The following ANKRD50 variants were observed in gnomAD, a reference collection of about 807,000 sequenced individuals.
ANKRD50 encodes the protein ankyrin repeat domain 50, also known as ankyrin repeat domain-containing protein 50.
A neutral mutation model predicts 112.0 loss-of-function variants in ANKRD50; 40 were observed. The ratio of observed to expected loss-of-function variants is 0.36; its 90% CI spans 0.28 to 0.46. ANKRD50 has a LOEUF of 0.46. ANKRD50 is among the 20% of genes least tolerant of loss of function. The pLI is 1.00. For synonymous variants in ANKRD50, 613 were observed against 619.1 expected (o/e 0.99, Z 0.15); for missense variants, 1,487 against 1,701.7 (o/e 0.87, Z 2.22).
At chr4:124,705,238 A>G (rs1725479208) in intron 2 of ANKRD50, among the ~76,000 whole-genome samples, 1 of 152,240 alleles carries the variant, frequency 6.6e-6, no homozygotes, top group East Asian at 1.9e-4. Context: ...TTTGACACAC[A>G]AAACAAATGT....
Position 124,670,289 on chromosome 4 carries a change from C to G in ANKRD50, c.2988G>C (p.Gln996His). The part of the protein sequence containing the change: ...SCWQGHMEMV[Q>H]VLIAYHADVN... Reference sequence around the variant, plus strand: ...CGTCAGCATGGTATGCTATCAGGACCTGCACCATTTCCATATGGCCTTGCC... The same window carrying G: ...CGTCAGCATGGTATGCTATCAGGACGTGCACCATTTCCATATGGCCTTGCC... The change falls in exon 4 of 5, where the codon CAG becomes CAC. Residue 996 changes from glutamine to histidine, a missense_variant. This residue lies in a region of ANKRD50 where 1,046 missense variants were observed against 1,269.5 expected (regional missense o/e 0.82). Transcript: ENST00000504087. 6.2e-7 allele frequency: 1 copy of G among 1,613,950 alleles called. No homozygotes were observed. The highest frequency in any genetic ancestry group is 8.5e-7 in the Non-Finnish European group (1 of 1,179,918).
At chr4:124,688,100 A>G (rs906026741) in intron 2 of ANKRD50, among the ~76,000 whole-genome samples, 2 of 152,258 alleles carry the variant, frequency 1.3e-5, no homozygotes, top group African/African-American at 4.8e-5. Context: ...AACAGTGTAC[A>G]GGATCTTCTA....
At position 124,669,607 on chromosome 4, in the gene ANKRD50, G is replaced by A. The variant is rs1367431266; in HGVS notation, c.3670C>T (p.Pro1224Ser). Residue 1224 changes from proline (P) to serine (S), a missense_variant, in exon 4 of 5, where the codon CCA becomes TCA. Coordinates refer to ENST00000504087, the MANE Select transcript of ANKRD50 (RefSeq NM_020337.3). The stretch of plus-strand genomic sequence containing the variant: ...ATTGACTGTCGACTTCTACTGCGTG[G>A]CAATGAATGCTGCTGAATTTGTTCT... ...FTEQIQQHSL[P>S]RSRSRQSIVS... is the part of the protein sequence containing the mutation. The A allele has an allele frequency of 6.2e-7, 1 of 1,613,618 alleles. No individual in the cohort carries two copies. The highest frequency in any genetic ancestry group is 8.5e-7 in the Non-Finnish European group (1 of 1,179,832).
rs1730685483 is a variant in ANKRD50 at position 124,672,485 on chromosome 4, C to T, written c.792G>A (p.Lys264=). 1.2e-6 allele frequency: 2 copies of T among 1,608,194 alleles called. No homozygotes were observed. Among genetic ancestry groups the T allele is most frequent in the Non-Finnish European group, 8.5e-7 (1 of 1,178,056 alleles). ...LDDLRKAYIV[K]DVQQYILHRL... Reference sequence around the variant, plus strand: ...GATGAAGAATGTACTGCTGAACATCCTTGACGATATATGCCTTCCGAAGGT... The same window carrying T: ...GATGAAGAATGTACTGCTGAACATCTTTGACGATATATGCCTTCCGAAGGT... Residue 264 remains lysine (K), a synonymous_variant, in exon 4 of 5, where the codon AAG becomes AAA. Coordinates refer to ENST00000504087, the MANE Select transcript of ANKRD50 (RefSeq NM_020337.3).
chr4:124,669,946 A>T lies in ANKRD50; in HGVS notation c.3331T>A (p.Ser1111Thr). Residue 1111 changes from serine to threonine, a missense_variant, in exon 4 of 5, where the codon TCT (serine) becomes ACT (threonine). Physicochemically the swap from Ser to Thr is moderately conservative, Grantham distance 58. Transcript: ENST00000504087. ...TTTTGCTCCATTGTGTGAACAGGAG[A>T]TGGGGAACAGCCATTCAAACTAGAT... ...GASSLNGCSPSPVHTMEQKPL... is the reference protein window; with the variant it reads ...GASSLNGCSPTPVHTMEQKPL... The T allele has an allele frequency of 6.2e-7, 1 of 1,612,854 alleles. No individual in the cohort carries two copies. The highest frequency in any genetic ancestry group is 2.2e-5 in the East Asian group (1 of 44,844).
chr4:124,704,333 C>T (rs909182925), intron 2 of ANKRD50, among the ~76,000 whole-genome samples: 1 of 152,106 alleles, frequency 6.6e-6, no homozygotes, highest in Non-Finnish European at 1.5e-5. Flanking sequence ...TGAAAACATA[C>T]AAGTGAGGGT....
intron 2 of ANKRD50, among the ~76,000 whole-genome samples, chr4:124,679,133 T>C (rs752019778): frequency 1.3e-5 from 2 of 152,160 alleles, no homozygotes; most frequent in African/African-American, 4.8e-5. Flanking sequence ...GGTGGGTGTG[T>C]GGGTGTGTGT....
chr4:124,706,070 C>T (rs528461559), intron 2 of ANKRD50, among the ~76,000 whole-genome samples: 1 of 152,076 alleles, frequency 6.6e-6, no homozygotes, highest in East Asian at 1.9e-4. Context: ...GTTTCATGAA[C>T]ACTGTAACAA....
rs80022851 is a variant in ANKRD50 at position 124,666,269 on chromosome 4, T to C, written c.*1249A>G. The C allele has an allele frequency of 0.014, 2,198 of 152,538 alleles. 52 individuals carry two copies. Among genetic ancestry groups the C allele is most frequent in the African/African-American group, 0.05 (2,083 of 41,518 alleles). 9.4% of individuals were successfully genotyped at this position (152,538 alleles called of 1,614,324 possible). A position where few individuals can be genotyped will look rare whatever the true frequency, so the allele number is the denominator to read the frequency against. On this transcript the variant is annotated 3_prime_UTR_variant, in exon 5 of 5. Coordinates refer to ENST00000504087, the MANE Select transcript of ANKRD50 (RefSeq NM_020337.3). Reference sequence around the variant, plus strand: ...TTTTACCTTCCTTGTCATGAATTTCTCTCTTAACCCTGGCATCCAGCCCTC... The same window carrying C: ...TTTTACCTTCCTTGTCATGAATTTCCCTCTTAACCCTGGCATCCAGCCCTC...
intron 2 of ANKRD50, among the ~76,000 whole-genome samples, chr4:124,693,808 A>G (rs1384310058): frequency 6.6e-6 from 1 of 152,172 alleles, no homozygotes; most frequent in African/African-American, 2.4e-5. Context: ...TTTGATGATA[A>G]TTTCAATAAA....
At chr4:124,705,260 C>G (rs1725480175) in intron 2 of ANKRD50, among the ~76,000 whole-genome samples, 1 of 152,214 alleles carries the variant, frequency 6.6e-6, no homozygotes, top group African/African-American at 2.4e-5. Flanking sequence ...AGTATTTGGT[C>G]TCCCAGTTTG....
At chr4:124,690,074 A>AAAG (rs1454784465) in intron 2 of ANKRD50, among the ~76,000 whole-genome samples, 1 of 152,186 alleles carries the variant, frequency 6.6e-6, no homozygotes, top group East Asian at 1.9e-4. Flanking sequence ...TGGGCTCAAG[A>AAAG]AAGAAGCAAA....
Position 124,667,492 on chromosome 4 carries a change from C to G in ANKRD50, c.*26G>C, listed in dbSNP as rs1402370804. On this transcript the variant is annotated 3_prime_UTR_variant, in exon 5 of 5. Coordinates refer to ENST00000504087, the MANE Select transcript of ANKRD50 (RefSeq NM_020337.3). ...CTGAAGAACCACTCCATCACAATGT[C>G]TTCTGTTTCACAGAATAGGAAACTA... The G allele has an allele frequency of 2.6e-5, 4 of 151,906 alleles. No homozygotes were observed. Among genetic ancestry groups the G allele is most frequent in the African/African-American group, 7.2e-5 (3 of 41,400 alleles). 9.4% of individuals were successfully genotyped at this position (151,906 alleles called of 1,614,324 possible).
chr4:124,670,371 C>A lies in ANKRD50; in HGVS notation c.2906G>T (p.Gly969Val). Reference protein sequence around the residue: ...LTMAEYFLENGANVEASDAEG... With the variant: ...LTMAEYFLENVANVEASDAEG... ...AGCATCACTTGCTTCTACGTTTGCA[C>A]CATTTTCTAAAAAATATTCGGCCAT... is the stretch of plus-strand genomic sequence containing the variant. Residue 969 changes from glycine (G) to valine (V), a missense_variant, in exon 4 of 5, where the codon GGT (glycine) becomes GTT (valine). Physicochemically the swap from Gly to Val is moderately radical, Grantham distance 109. Coordinates refer to ENST00000504087, the MANE Select transcript of ANKRD50 (RefSeq NM_020337.3). The A allele has an allele frequency of 4.3e-6, 7 of 1,613,880 alleles. No homozygotes were observed. The highest frequency in any genetic ancestry group is 5.9e-6 in the Non-Finnish European group (7 of 1,179,900).
intron 2 of ANKRD50, among the ~76,000 whole-genome samples, chr4:124,685,882 TAAA>T (rs955763716): frequency 6.6e-6 from 1 of 152,168 alleles, no homozygotes; most frequent in African/African-American, 2.4e-5. Flanking sequence ...TTAATTTTTT[TAAA>T]AAGTGACAGA....
chr4:124,683,966 C>A (rs906666222), intron 2 of ANKRD50, among the ~76,000 whole-genome samples: 12 of 148,986 alleles, frequency 8.1e-5, no homozygotes, highest in South Asian at 6.4e-4. Context: ...AGGGGATTCC[C>A]CAGTTCAGTG....
At chr4:124,706,486 T>C (rs1725505413) in intron 2 of ANKRD50, among the ~76,000 whole-genome samples, 1 of 152,086 alleles carries the variant, frequency 6.6e-6, no homozygotes, top group African/African-American at 2.4e-5. Flanking sequence ...GTATTCTATC[T>C]ACTATCATTA....
rs181647409 is a variant in ANKRD50, at chr4:124,669,334, T to A, written c.3943A>T (p.Thr1315Ser). The A allele has an allele frequency of 1.9e-6, 3 of 1,613,720 alleles. No individual in the cohort carries two copies. The highest frequency in any genetic ancestry group is 2.5e-6 in the Non-Finnish European group (3 of 1,179,808). ...DRRGPIAKSG[T>S]AAPPKQMPAE... ...GGCATTTGTTTAGGTGGTGCAGCAG[T>A]CCCGGATTTGGCTATAGGTCCTCTT... The change falls in exon 4 of 5, where the codon ACT (threonine) becomes TCT (serine). Residue 1315 changes from threonine (T) to serine (S), a missense_variant. Around this residue, in one of 2 missense-constraint regions of ANKRD50, gnomAD observed 441 missense variants for 432.2 expected, o/e 1.02. Coordinates refer to ENST00000504087, the MANE Select transcript of ANKRD50 (RefSeq NM_020337.3).
At chr4:124,678,498 T>C (rs151166304) in intron 3 of ANKRD50, among the ~76,000 whole-genome samples, 178 bp downstream of exon 3, 103 of 152,280 alleles carry the variant, frequency 6.8e-4, no homozygotes, top group African/African-American at 2.4e-3. Flanking sequence ...AAAGTATGTT[T>C]AAATGATCTT....
Sources: allele counts gnomAD v4.1 joint callset (sites outside exome capture counted in the v4.1 genomes callset), GRCh38; gene constraint gnomAD v4.1.1; regional missense constraint gnomAD v4.1.1; transcripts MANE v1.5; gene names NCBI Gene and HGNC (gene_info 2026-07-23, HGNC 2026-07-21).